MBNL1: variants seen among roughly 807,000 people sequenced by gnomAD.
The protein encoded by MBNL1 is muscleblind like splicing regulator 1.
In MBNL1, 8 loss-of-function variants were observed where a neutral mutation model predicts 42.2. The ratio of observed to expected loss-of-function variants is 0.19; its 90% CI spans 0.11 to 0.34. MBNL1 has a LOEUF of 0.34. MBNL1 is among the 10% of genes least tolerant of loss of function. The pLI, the probability that MBNL1 is intolerant of heterozygous loss-of-function variation, is 1.00. For synonymous variants in MBNL1, 169 were observed against 173.9 expected, an observed-to-expected ratio of 0.97 and a Z score of 0.22; for missense variants, 309 against 495.3, an observed-to-expected ratio of 0.62 and a Z score of 3.57.
chr3:152,291,698 A>C (rs1401439054), intron 1 of MBNL1, among the ~76,000 whole-genome samples: 1 of 152,200 alleles, frequency 6.6e-6, no homozygotes, highest in Non-Finnish European at 1.5e-5. Context: ...GCAAAGGCAA[A>C]TGATAAGCAG....
intron 2 of MBNL1, among the ~76,000 whole-genome samples, chr3:152,350,714 T>C (rs2094868415): frequency 6.6e-6 from 1 of 152,154 alleles, no homozygotes; most frequent in Non-Finnish European, 1.5e-5. Context: ...ATGAAGGTGC[T>C]TAGCCAGATT....
chr3:152,271,662 A>C (rs1054731643), intron 1 of MBNL1, among the ~76,000 whole-genome samples: 5 of 152,158 alleles, frequency 3.3e-5, no homozygotes, highest in African/African-American at 1.2e-4. Context: ...TGAGAGTCAA[A>C]AGAGTGGAGG....
At chr3:152,345,035 G>A (rs1032711836) in intron 2 of MBNL1, among the ~76,000 whole-genome samples, 1 of 151,742 alleles carries the variant, frequency 6.6e-6, no homozygotes, top group Non-Finnish European at 1.5e-5. Flanking sequence ...TGTAGGTCTA[G>A]CATACCATTT....
intron 1 of MBNL1, among the ~76,000 whole-genome samples, chr3:152,297,252 TTG>T (rs1491103130): frequency 1.7e-4 from 24 of 140,406 alleles, no homozygotes; most frequent in African/African-American, 6.1e-4. Context: ...GACTGGACCT[TTG>T]TTTTTTTTTT....
rs575031072 is a variant in MBNL1, at chr3:152,315,191, T to C, written c.174+14824T>C. Among the ~76,000 whole-genome samples, 4 of 152,340 alleles carry C rather than the reference T, an allele frequency of 2.6e-5. No homozygotes were observed. The South Asian group carries it at 8.3e-4, about 32-fold the overall frequency. ...GAGGGCAGGGAACATAAAATTTGTTTTCAGCTTTTTCGCAGTTGCCAAAAA... is the reference window on the plus strand; with the variant it reads ...GAGGGCAGGGAACATAAAATTTGTTCTCAGCTTTTTCGCAGTTGCCAAAAA... On this transcript the variant is annotated intron_variant, in intron 2 of 9. Coordinates refer to ENST00000324210, the MANE Select transcript of MBNL1 (RefSeq NM_021038.5).
At chr3:152,358,818 C>T (rs1433402499) in intron 2 of MBNL1, among the ~76,000 whole-genome samples, 4 of 151,868 alleles carry the variant, frequency 2.6e-5, no homozygotes, top group Non-Finnish European at 5.9e-5. Context: ...CTATGTTGCC[C>T]AGGCTGGTCT....
intron 2 of MBNL1, among the ~76,000 whole-genome samples, chr3:152,370,735 C>A (rs2096621797): frequency 1.3e-5 from 2 of 152,012 alleles, no homozygotes; most frequent in Non-Finnish European, 2.9e-5. Flanking sequence ...TGCATTGAAC[C>A]TTTTACCATT....
At position 152,447,601 on chromosome 3, in the gene MBNL1, A is replaced by G. The variant is rs1712701349; in HGVS notation, c.808-19A>G. On this transcript the variant is annotated intron_variant, in intron 5 of 9. Transcript: ENST00000324210. Reference sequence around the variant, plus strand: ...CTCTTTTTACTGGTATTTGTTTTTTATACTCATTCACTAAACAGGGAATTC... The same window carrying G: ...CTCTTTTTACTGGTATTTGTTTTTTGTACTCATTCACTAAACAGGGAATTC... 6.3e-7 allele frequency: 1 copy of G among 1,598,816 alleles called. No homozygotes were observed. The highest frequency in any genetic ancestry group is 8.5e-7 in the Non-Finnish European group (1 of 1,172,068).
chr3:152,296,472 C>T (rs893895434), intron 1 of MBNL1, among the ~76,000 whole-genome samples: 3 of 152,064 alleles, frequency 2.0e-5, no homozygotes, highest in Non-Finnish European at 4.4e-5. Context: ...TGCTTAAGGG[C>T]TACTGTTATG....
At chr3:152,294,327 A>G (rs1225568985) in intron 1 of MBNL1, among the ~76,000 whole-genome samples, 2 of 137,368 alleles carry the variant, frequency 1.5e-5, no homozygotes, top group South Asian at 2.2e-4. Context: ...TCGGTCACCC[A>G]GGCTGGAGTG....
At chr3:152,327,826 T>C (rs775013872) in intron 2 of MBNL1, among the ~76,000 whole-genome samples, 11 of 151,916 alleles carry the variant, frequency 7.2e-5, no homozygotes, top group Non-Finnish European at 1.0e-4. Context: ...TTTTTTTTTA[T>C]AGCTTTCTTT....
intron 2 of MBNL1, among the ~76,000 whole-genome samples, chr3:152,360,991 G>C (rs1323363222): frequency 6.6e-6 from 1 of 152,042 alleles, no homozygotes; most frequent in Admixed American, 6.6e-5. Context: ...CTAAAGCCTT[G>C]AAGGTTTCAA....
intron 2 of MBNL1, among the ~76,000 whole-genome samples, chr3:152,323,808 C>A (rs1577915155): frequency 1.3e-5 from 2 of 152,114 alleles, no homozygotes; most frequent in Admixed American, 1.3e-4. Flanking sequence ...TCTTATGGGA[C>A]CACCATCATA....
chr3:152,271,450 G>T (rs1481890264), intron 1 of MBNL1, among the ~76,000 whole-genome samples: 1 of 152,116 alleles, frequency 6.6e-6, no homozygotes, highest in South Asian at 2.1e-4. Flanking sequence ...ATTTGTCACT[G>T]TTGCCATACA....
intron 2 of MBNL1, among the ~76,000 whole-genome samples, chr3:152,407,703 A>G (rs1432303606): frequency 6.6e-6 from 1 of 152,204 alleles, no homozygotes; most frequent in South Asian, 2.1e-4. Flanking sequence ...TAGTGTTACT[A>G]CAATAGCAAA....
At chr3:152,431,743 A>T (rs893538779) in intron 3 of MBNL1, among the ~76,000 whole-genome samples, 3 of 152,252 alleles carry the variant, frequency 2.0e-5, no homozygotes, top group Admixed American at 2.0e-4. Context: ...CAAGAATTAG[A>T]ATTGAGACTC....
intron 2 of MBNL1, among the ~76,000 whole-genome samples, chr3:152,389,238 A>G (rs1477170614): frequency 6.6e-6 from 1 of 152,022 alleles, no homozygotes; most frequent in Non-Finnish European, 1.5e-5. Context: ...ACAGGCATGC[A>G]TCACCATGCC....
intron 1 of MBNL1, among the ~76,000 whole-genome samples, chr3:152,287,046 C>T (rs918918875): frequency 3.3e-5 from 5 of 151,978 alleles, no homozygotes; most frequent in Admixed American, 1.3e-4. Flanking sequence ...GGTGAAACCC[C>T]GTCTCTACTG....
intron 3 of MBNL1, among the ~76,000 whole-genome samples, chr3:152,415,981 G>A (rs2098695038): frequency 6.6e-6 from 1 of 152,182 alleles, no homozygotes; most frequent in Admixed American, 6.5e-5. Context: ...AATGCATGTT[G>A]AAATTTGCAA....
Sources: gnomAD v4.1 joint callset for allele counts (sites outside exome capture counted in the v4.1 genomes callset) on GRCh38, gnomAD v4.1.1 for gene constraint, MANE v1.5 for transcripts, NCBI Gene and HGNC (gene_info 2026-07-23, HGNC 2026-07-21) for gene names.